The following CHST12 variants were observed in gnomAD, a reference collection of about 807,000 sequenced individuals.
CHST12 encodes the protein carbohydrate sulfotransferase 12, also known as carbohydrate (chondroitin 4) sulfotransferase 12.
CHST12 carries 23 observed loss-of-function variants against 27.9 expected under a neutral mutation model. That is an observed-to-expected ratio of 0.82 (90% confidence interval 0.59 to 1.17). The LOEUF (loss-of-function observed/expected upper bound fraction) is 1.17, where lower values mean the gene tolerates loss of function less well. CHST12 is among the 50% of genes most tolerant of loss of function. CHST12 has a pLI of 0.00. For synonymous variants in CHST12, 322 were observed against 273.0 expected (o/e 1.18, Z -1.77); for missense variants, 682 against 603.0 (o/e 1.13, Z -1.37).
At chr7:2,412,281 A>G (rs575982401) in intron 1 of CHST12, among the ~76,000 whole-genome samples, 2 of 152,352 alleles carry the variant, frequency 1.3e-5, no homozygotes, top group South Asian at 4.1e-4. Context: ...GTGTCTCACG[A>G]TGGAGGTTTT....
chr7:2,428,923 G>A (rs1448756993), intron 1 of CHST12, among the ~76,000 whole-genome samples: 6 of 152,182 alleles, frequency 3.9e-5, no homozygotes, highest in Admixed American at 2.0e-4. Context: ...TAGAAGAGCC[G>A]TGGCAAGATG....
Position 2,429,345 on chromosome 7 carries a change from G to C in CHST12, c.-77-3218G>C, listed in dbSNP as rs1379402020. ...CCTGCCTCAGCCTACCAAAGTGCTAGGATTACAAGCGTGAGCCACGACGCC... is the reference window on the plus strand; with the variant it reads ...CCTGCCTCAGCCTACCAAAGTGCTACGATTACAAGCGTGAGCCACGACGCC... On this transcript the variant is annotated intron_variant, in intron 1 of 1. Coordinates refer to ENST00000618655, the MANE Select transcript of CHST12 (RefSeq NM_018641.5). Among the ~76,000 whole-genome samples the C allele has an allele frequency of 4.6e-5, 7 of 152,256 alleles. No homozygotes were observed. In the East Asian group the frequency reaches 1.4e-3, roughly 29 times the overall value.
In CHST12 at chr7:2,423,838, G is replaced by A. The variant is rs182515166; in HGVS notation, c.-77-8725G>A. Reference sequence around the variant, plus strand: ...GGTGGCTCATGCCAGAAGCAGAGGCGGGTAAATCATTTGAGCCCAGGAGTT... The same window carrying A: ...GGTGGCTCATGCCAGAAGCAGAGGCAGGTAAATCATTTGAGCCCAGGAGTT... On this transcript the variant is annotated intron_variant, in intron 1 of 1. Transcript: ENST00000618655. 1.9e-3 allele frequency among the ~76,000 whole-genome samples: 285 copies of A among 152,282 alleles called. 1 individual carries two copies. The highest frequency in any genetic ancestry group is 6.7e-3 in the African/African-American group (280 of 41,562).
At position 2,441,008 on chromosome 7, in the gene CHST12, C is replaced by A. The variant is rs1782590617; in HGVS notation, c.*7124C>A. On this transcript the variant is annotated 3_prime_UTR_variant, in exon 2 of 2. Transcript: ENST00000618655. ...GAGAGACACGGCTGTGGCTCTCAGG[C>A]TGTGGGGCAATGTTCTGCTTATAAT... The A allele has an allele frequency of 6.6e-6, 1 of 152,104 alleles. No individual in the cohort carries two copies. Among genetic ancestry groups the A allele is most frequent in the Non-Finnish European group, 1.5e-5 (1 of 68,024 alleles). The allele number at this position is 152,104 out of a possible 1,614,324, so 9.4% of individuals were successfully genotyped here.
chr7:2,412,506 C>T (rs1338656394), intron 1 of CHST12, among the ~76,000 whole-genome samples: 3 of 152,218 alleles, frequency 2.0e-5, no homozygotes, highest in East Asian at 1.9e-4. Context: ...TTGAAACATT[C>T]TTGCGCTTCT....
At chr7:2,420,072 C>T (rs188041531) in intron 1 of CHST12, among the ~76,000 whole-genome samples, 108 of 138,616 alleles carry the variant, frequency 7.8e-4, no homozygotes, top group African/African-American at 2.8e-3. Context: ...CTCCCGGGTT[C>T]ATGCCATTCT....
chr7:2,418,870 T>C (rs1270867509), intron 1 of CHST12, among the ~76,000 whole-genome samples: 1 of 152,198 alleles, frequency 6.6e-6, no homozygotes, highest in Admixed American at 6.5e-5. Context: ...AATCATAGCT[T>C]ACTGCAGCCT....
intron 1 of CHST12, among the ~76,000 whole-genome samples, chr7:2,424,351 G>A (rs1782051204): frequency 6.7e-6 from 1 of 150,058 alleles, no homozygotes; most frequent in Admixed American, 6.6e-5. Flanking sequence ...TATAAAGAAA[G>A]AACATGAATT....
At chr7:2,406,234 C>G (rs1033439930) in intron 1 of CHST12, among the ~76,000 whole-genome samples, 2 of 152,006 alleles carry the variant, frequency 1.3e-5, no homozygotes, top group African/African-American at 4.8e-5. Context: ...CAGCCCTGGC[C>G]CACAGATGTG....
chr7:2,440,586 C>G lies in CHST12; in HGVS notation c.*6702C>G, dbSNP rs1782578428. The G allele has an allele frequency of 1.3e-5, 2 of 152,238 alleles. No homozygotes were observed. The highest frequency in any genetic ancestry group is 1.5e-5 in the Non-Finnish European group (1 of 68,120). The allele number at this position is 152,238 out of a possible 1,614,324, so 9.4% of individuals were successfully genotyped here. On this transcript the variant is annotated 3_prime_UTR_variant, in exon 2 of 2. Coordinates refer to ENST00000618655, the MANE Select transcript of CHST12 (RefSeq NM_018641.5). ...GCGGGGTGGGCCACCGAAGAGAAGA[C>G]AGAGTGGGCCTGTAGGGCCAGCCCG...
chr7:2,422,224 C>T (rs916401608), intron 1 of CHST12, among the ~76,000 whole-genome samples: 2 of 152,002 alleles, frequency 1.3e-5, no homozygotes, highest in Non-Finnish European at 2.9e-5. Context: ...GTTAACTTTT[C>T]CCCTTTGCTA....
At position 2,433,585 on chromosome 7, in the gene CHST12, G is replaced by A; in HGVS notation, c.946G>A (p.Ala316Thr). The A allele has an allele frequency of 1.2e-6, 2 of 1,613,630 alleles. No homozygotes were observed. Among genetic ancestry groups the A allele is most frequent in the Non-Finnish European group, 8.5e-7 (1 of 1,179,990 alleles). The change falls in exon 2 of 2, where the codon GCG becomes ACG. Residue 316 changes from alanine to threonine, a missense_variant. Physicochemically the swap from Ala to Thr is moderately conservative, Grantham distance 58. Transcript: ENST00000618655. This position sits in a 1 kb window ranked among gnomAD's most constrained non-coding sequence, Gnocchi z 6.1. The stretch of plus-strand genomic sequence containing the variant: ...GCTGGACCCGCACACGGAGAAGCTG[G>A]CGCCCTTCAACGAGCACTGGCGGCA... Reference protein sequence around the residue: ...YLLDPHTEKLAPFNEHWRQVY... With the variant: ...YLLDPHTEKLTPFNEHWRQVY...
intron 1 of CHST12, among the ~76,000 whole-genome samples, chr7:2,423,312 C>T (rs942019577): frequency 2.0e-5 from 3 of 152,038 alleles, no homozygotes; most frequent in South Asian, 4.2e-4. Context: ...GCTGTAAAAT[C>T]GTGTGGTTAT....
At position 2,444,349 on chromosome 7, in the gene CHST12, C is replaced by G. The variant is rs1370312640; in HGVS notation, c.*10465C>G. ...GGTGTGGTGGTGGGCACCTGTAATC[C>G]CAGCTACTGAGGAGGCTGAGGCATG... On this transcript the variant is annotated 3_prime_UTR_variant, in exon 2 of 2. Transcript: ENST00000618655. 1 of 151,646 alleles carries G rather than the reference C, an allele frequency of 6.6e-6. No homozygotes were observed. Among genetic ancestry groups the G allele is most frequent in the Admixed American group, 6.6e-5 (1 of 15,216 alleles). The allele number at this position is 151,646 out of a possible 1,614,324, so 9.4% of individuals were successfully genotyped here. A position where few individuals can be genotyped will look rare whatever the true frequency, so the allele number is the denominator to read the frequency against.
intron 1 of CHST12, among the ~76,000 whole-genome samples, chr7:2,425,474 T>G (rs922921523): frequency 6.6e-6 from 1 of 152,066 alleles, no homozygotes; most frequent in African/African-American, 2.4e-5. Flanking sequence ...TGCTCAAACA[T>G]CTAGAAAGAA....
chr7:2,426,558 A>G (rs1782126158), intron 1 of CHST12, among the ~76,000 whole-genome samples: 1 of 151,636 alleles, frequency 6.6e-6, no homozygotes, highest in Non-Finnish European at 1.5e-5. Context: ...GGGTAGACAG[A>G]TGTCCTTGCC....
chr7:2,432,255 G>A (rs183759203), intron 1 of CHST12, among the ~76,000 whole-genome samples: 89 of 150,170 alleles, frequency 5.9e-4, no homozygotes, highest in African/African-American at 2.0e-3. Context: ...CCTGGGAGGC[G>A]TCCTCTTCTT....
chr7:2,423,798 T>TG (rs1782038261), intron 1 of CHST12, among the ~76,000 whole-genome samples: 2 of 152,110 alleles, frequency 1.3e-5, no homozygotes, highest in Non-Finnish European at 2.9e-5. Context: ...AAAAATGAAT[T>TG]AAGAGGCCAG....
At chr7:2,405,185 C>A (rs1470767672) in intron 1 of CHST12, among the ~76,000 whole-genome samples, 1 of 152,148 alleles carries the variant, frequency 6.6e-6, no homozygotes, top group Non-Finnish European at 1.5e-5. Flanking sequence ...TGGCTCGTGA[C>A]TGTAATCCCA....
Sources: gnomAD v4.1 joint callset for allele counts (sites outside exome capture counted in the v4.1 genomes callset) on GRCh38, gnomAD v4.1.1 for gene constraint, Gnocchi (gnomAD v3.1) non-coding constraint, MANE v1.5 for transcripts, NCBI Gene and HGNC (gene_info 2026-07-23, HGNC 2026-07-21) for gene names.